AIG1: variants seen among roughly 807,000 people sequenced by gnomAD.
The protein encoded by AIG1 is androgen-induced gene 1 protein.
In AIG1, 23 loss-of-function variants were observed where a neutral mutation model predicts 31.4. That is an observed-to-expected ratio of 0.73 (90% CI 0.53 to 1.04). The LOEUF is 1.04. Ranked by LOEUF, AIG1 falls within the 50% of genes least tolerant of loss-of-function variation. AIG1 has a pLI of 0.00. For synonymous variants in AIG1, 100 were observed against 110.5 expected (o/e 0.90, Z 0.60); for missense variants, 274 against 295.0 (o/e 0.93, Z 0.52).
chr6:143,113,950 A>C (rs1024783174), intron 1 of AIG1, among the ~76,000 whole-genome samples: 12 of 151,754 alleles, frequency 7.9e-5, no homozygotes, highest in African/African-American at 2.9e-4. Flanking sequence ...AACTTTTTGT[A>C]TTTTTAGTAG....
chr6:143,101,969 A>G (rs1195409702), intron 1 of AIG1, among the ~76,000 whole-genome samples: 1 of 152,276 alleles, frequency 6.6e-6, no homozygotes, highest in South Asian at 2.1e-4. Context: ...GTATTTTTCA[A>G]AGATTTCCCA....
intron 1 of AIG1, among the ~76,000 whole-genome samples, chr6:143,119,580 A>G (rs182144690): frequency 6.6e-6 from 1 of 152,330 alleles, no homozygotes; most frequent in East Asian, 1.9e-4. Context: ...TTCACCTAAG[A>G]CAAAGATAAC....
chr6:143,296,690 A>G (rs1015523849), intron 4 of AIG1, among the ~76,000 whole-genome samples: 1 of 152,240 alleles, frequency 6.6e-6, no homozygotes, highest in Admixed American at 6.5e-5. Context: ...CCCAAGAGTC[A>G]ACAGAAATTT....
rs1795553655 is a variant in AIG1 at position 143,258,969 on chromosome 6, CA to C, written c.400-25137del. Among the ~76,000 whole-genome samples the C allele has an allele frequency of 6.6e-6, 1 of 152,212 alleles. No homozygotes were observed. Among genetic ancestry groups the C allele is most frequent in the African/African-American group, 2.4e-5 (1 of 41,446 alleles). On this transcript the variant is annotated intron_variant, in intron 3 of 5. Coordinates refer to ENST00000357847, the MANE Select transcript of AIG1 (RefSeq NM_016108.4). The surrounding 1 kb of genome is among the most constrained non-coding windows in gnomAD (Gnocchi z 4.7). ...TAGCAGAGGTCAACAGAGACCTTGG[CA>C]AAACCATTTCCAGCAGATGATGGGG...
chr6:143,192,826 C>G (rs959335893), intron 3 of AIG1, among the ~76,000 whole-genome samples: 2 of 152,106 alleles, frequency 1.3e-5, no homozygotes, highest in Non-Finnish European at 2.9e-5. Context: ...TATGAACATT[C>G]AAGTCCAAAC....
chr6:143,254,600 CT>C (rs1483075296), intron 3 of AIG1, among the ~76,000 whole-genome samples: 5 of 152,242 alleles, frequency 3.3e-5, no homozygotes, highest in Admixed American at 2.0e-4. Flanking sequence ...CTGTTCCCCC[CT>C]ACCCCCGCAA....
At chr6:143,274,530 A>C (rs946978917) in intron 3 of AIG1, among the ~76,000 whole-genome samples, 1 of 152,238 alleles carries the variant, frequency 6.6e-6, no homozygotes, top group Non-Finnish European at 1.5e-5. Context: ...CCAAGATCCT[A>C]TACATGCAAC....
chr6:143,153,587 TC>T (rs755382654), intron 2 of AIG1, among the ~76,000 whole-genome samples: 2 of 152,196 alleles, frequency 1.3e-5, no homozygotes, highest in African/African-American at 2.4e-5. Context: ...TACCTCGTGA[TC>T]CACCTGCCTC....
In AIG1 at chr6:143,280,879, T is replaced by C. The variant is rs980090782; in HGVS notation, c.400-3231T>C. On this transcript the variant is annotated intron_variant, in intron 3 of 5. Coordinates refer to ENST00000357847, the MANE Select transcript of AIG1 (RefSeq NM_016108.4). This position sits in a 1 kb window ranked among gnomAD's most constrained non-coding sequence, Gnocchi z 4.1. ...TGTATCCCCAAATCTAAAATAAAAG[T>C]TAAAAAAAAGTTCTGACTTTATGCT... Among the ~76,000 whole-genome samples, 2 of 152,144 alleles carry C rather than the reference T, an allele frequency of 1.3e-5. No individual in the cohort carries two copies. Among genetic ancestry groups the C allele is most frequent in the African/African-American group, 4.8e-5 (2 of 41,426 alleles).
At chr6:143,184,948 A>T (rs1789098661) in intron 3 of AIG1, among the ~76,000 whole-genome samples, 1 of 152,198 alleles carries the variant, frequency 6.6e-6, no homozygotes, top group Non-Finnish European at 1.5e-5. Context: ...CTGTAGTCCC[A>T]GTACTTTGGG....
At chr6:143,178,889 C>G (rs1788452917) in intron 3 of AIG1, among the ~76,000 whole-genome samples, 1 of 152,290 alleles carries the variant, frequency 6.6e-6, no homozygotes, top group South Asian at 2.1e-4. Flanking sequence ...AGAAATCACA[C>G]TGGGAGAGAC....
rs56884593 is a variant in AIG1, at chr6:143,329,027, G to A, written c.516-4255G>A. 0.059 allele frequency among the ~76,000 whole-genome samples: 8,943 copies of A among 152,222 alleles called. 689 individuals carry two copies. Among genetic ancestry groups the A allele is most frequent in the African/African-American group, 0.18 (7,341 of 41,498 alleles). On this transcript the variant is annotated intron_variant, in intron 4 of 5. Transcript: ENST00000357847. This position sits in a 1 kb window ranked among gnomAD's most constrained non-coding sequence, Gnocchi z 4.9. ...ATCTTTGTGCAGAGAATTGAGCCCT[G>A]ATAAAAATCAAGGAAACAAATGGTG...
At position 143,328,544 on chromosome 6, in the gene AIG1, C is replaced by G. The variant is rs1776795550; in HGVS notation, c.516-4738C>G. ...GACTACACTTGTAATTCTTAATTAT[C>G]TGTGTTTCTCATTACACTGTACTCC... On this transcript the variant is annotated intron_variant, in intron 4 of 5. Coordinates refer to ENST00000357847, the MANE Select transcript of AIG1 (RefSeq NM_016108.4). The surrounding 1 kb of genome is among the most constrained non-coding windows in gnomAD (Gnocchi z 4.0). 6.6e-6 allele frequency among the ~76,000 whole-genome samples: 1 copy of G among 152,204 alleles called. No homozygotes were observed. The highest frequency in any genetic ancestry group is 6.5e-5 in the Admixed American group (1 of 15,280).
chr6:143,144,951 A>T (rs1784584306), intron 2 of AIG1, among the ~76,000 whole-genome samples: 1 of 152,212 alleles, frequency 6.6e-6, no homozygotes, highest in Non-Finnish European at 1.5e-5. Flanking sequence ...TTAAGTAATA[A>T]AGATATTTAA....
intron 3 of AIG1, among the ~76,000 whole-genome samples, chr6:143,238,088 C>G (rs2128636608): frequency 6.6e-6 from 1 of 152,262 alleles, no homozygotes; most frequent in East Asian, 1.9e-4. Flanking sequence ...CTACAGGCGC[C>G]TACCACCATG....
At chr6:143,101,347 A>C (rs991335046) in intron 1 of AIG1, among the ~76,000 whole-genome samples, 13 of 152,238 alleles carry the variant, frequency 8.5e-5, no homozygotes, top group African/African-American at 3.1e-4. Flanking sequence ...ACATTGTGTA[A>C]ATTACACTAA....
At chr6:143,226,952 T>C (rs1289587889) in intron 3 of AIG1, among the ~76,000 whole-genome samples, 1 of 151,708 alleles carries the variant, frequency 6.6e-6, no homozygotes, top group African/African-American at 2.4e-5. Flanking sequence ...CCAACACAAA[T>C]TTATAAACTT....
Position 143,288,985 on chromosome 6 carries a change from G to A in AIG1, c.515+4760G>A, listed in dbSNP as rs1199261534. ...AGACTTTAAGTCAGTAGAAAGAAAT[G>A]CTTGAGTTAAGATAAGGGAGGTTGT... On this transcript the variant is annotated intron_variant, in intron 4 of 5. Transcript: ENST00000357847. This position sits in a 1 kb window ranked among gnomAD's most constrained non-coding sequence, Gnocchi z 4.4. 6.6e-6 allele frequency among the ~76,000 whole-genome samples: 1 copy of A among 152,178 alleles called. No individual in the cohort carries two copies. The highest frequency in any genetic ancestry group is 1.5e-5 in the Non-Finnish European group (1 of 68,024).
intron 1 of AIG1, among the ~76,000 whole-genome samples, chr6:143,073,594 C>T (rs970886441): frequency 6.6e-6 from 1 of 152,100 alleles, no homozygotes; most frequent in African/African-American, 2.4e-5. Flanking sequence ...GATGGTATCT[C>T]ATAGTGGTTT....
Sources: allele counts gnomAD v4.1 joint callset (sites outside exome capture counted in the v4.1 genomes callset), GRCh38; gene constraint gnomAD v4.1.1; non-coding constraint Gnocchi (gnomAD v3.1); transcripts MANE v1.5; gene names NCBI Gene and HGNC (gene_info 2026-07-23, HGNC 2026-07-21).